SPATS2: variants seen among roughly 807,000 people sequenced by gnomAD.
SPATS2 encodes spermatogenesis associated serine rich 2, also known as spermatogenesis-associated serine-rich protein 2.
A neutral mutation model predicts 63.7 loss-of-function variants in SPATS2; 38 were observed. The observed-to-expected ratio is 0.60, with a 90% confidence interval of 0.46 to 0.78. SPATS2 has a LOEUF of 0.78. SPATS2 is among the 30% of genes least tolerant of loss of function. The probability of loss-of-function intolerance (pLI) is 0.00; values close to 1 mark genes in which losing one functional copy is unlikely to be tolerated. For missense variants in SPATS2, 588 were observed against 666.2 expected (o/e 0.88, Z 1.29); for synonymous variants, 207 against 232.9 (o/e 0.89, Z 1.01).
intron 4 of SPATS2, among the ~76,000 whole-genome samples, chr12:49,487,671 C>T (rs1454997881): frequency 6.6e-6 from 1 of 152,150 alleles, no homozygotes; most frequent in Admixed American, 6.5e-5. Context: ...GATCTCAGCT[C>T]ACTGCAGCCT....
At chr12:49,434,861 C>A (rs559535635) in intron 2 of SPATS2, among the ~76,000 whole-genome samples, 7 of 151,902 alleles carry the variant, frequency 4.6e-5, no homozygotes, top group African/African-American at 1.7e-4. Flanking sequence ...ATATAAAAAC[C>A]CAGATTTAAT....
intron 2 of SPATS2, among the ~76,000 whole-genome samples, chr12:49,416,765 G>A (rs1251784197): frequency 3.9e-5 from 6 of 152,266 alleles, no homozygotes; most frequent in South Asian, 2.1e-4. Flanking sequence ...GATTACAGGC[G>A]TGAGCCACTG....
At chr12:49,433,886 T>C (rs928960332) in intron 2 of SPATS2, among the ~76,000 whole-genome samples, 1 of 152,206 alleles carries the variant, frequency 6.6e-6, no homozygotes. Flanking sequence ...TCCCCTTGTT[T>C]TCTTCTAGGA....
intron 2 of SPATS2, among the ~76,000 whole-genome samples, chr12:49,448,179 C>T (rs2137592180): frequency 6.6e-6 from 1 of 150,448 alleles, no homozygotes; most frequent in East Asian, 2.0e-4. Flanking sequence ...ACTGTTCCAC[C>T]CAGGCTGGAG....
At chr12:49,521,815 C>G (rs1474968004) in intron 11 of SPATS2, among the ~76,000 whole-genome samples, 1 of 152,100 alleles carries the variant, frequency 6.6e-6, no homozygotes, top group Non-Finnish European at 1.5e-5. Context: ...GTGTGCTTTC[C>G]TAAGCCACAA....
intron 3 of SPATS2, among the ~76,000 whole-genome samples, chr12:49,473,011 C>T (rs1946063029): frequency 6.7e-6 from 1 of 149,294 alleles, no homozygotes; most frequent in Non-Finnish European, 1.5e-5. Context: ...GATTATGTCA[C>T]TGCACGCAGC....
At chr12:49,416,467 C>A (rs190383283) in intron 2 of SPATS2, among the ~76,000 whole-genome samples, 94 of 148,902 alleles carry the variant, frequency 6.3e-4, no homozygotes, top group African/African-American at 2.3e-3. Context: ...GAAGTTTTAT[C>A]ACCTTTTTAT....
At chr12:49,488,919 G>A (rs1303991695) in intron 4 of SPATS2, among the ~76,000 whole-genome samples, 1 of 152,120 alleles carries the variant, frequency 6.6e-6, no homozygotes, top group East Asian at 1.9e-4. Context: ...GTTCATGGGG[G>A]CTTCAATTAT....
intron 2 of SPATS2, among the ~76,000 whole-genome samples, chr12:49,460,052 G>T (rs111652567): frequency 0.027 from 4,058 of 151,666 alleles, 204 homozygotes; most frequent in African/African-American, 0.092. Flanking sequence ...AGTTTGCAGT[G>T]AGCTGAGATT....
chr12:49,435,487 G>C (rs1945260390), intron 2 of SPATS2, among the ~76,000 whole-genome samples: 1 of 151,128 alleles, frequency 6.6e-6, no homozygotes, highest in African/African-American at 2.4e-5. Context: ...CAGTGCGCCT[G>C]GCTAATTTTT....
In SPATS2 at chr12:49,411,895, C is replaced by A. The variant is rs148159021; in HGVS notation, c.-244+40605C>A. Among the ~76,000 whole-genome samples the A allele has an allele frequency of 2.6e-3, 403 of 152,266 alleles. 2 individuals carry two copies. Among genetic ancestry groups the A allele is most frequent in the African/African-American group, 9.5e-3 (393 of 41,568 alleles). ...TTTTAGTTTCTCTACAGAAGTTGGG[C>A]TTAACCATGTTTATAATATGTGAAA... is the stretch of plus-strand genomic sequence containing the variant. On this transcript the variant is annotated intron_variant, in intron 2 of 13. Transcript: ENST00000552918.
intron 2 of SPATS2, among the ~76,000 whole-genome samples, chr12:49,446,051 G>A (rs867598602): frequency 2.0e-5 from 3 of 151,870 alleles, no homozygotes; most frequent in Non-Finnish European, 2.9e-5. Context: ...CTACAGGCAC[G>A]CGCCACCACA....
At chr12:49,380,562 C>T (rs928656385) in intron 2 of SPATS2, among the ~76,000 whole-genome samples, 2 of 152,018 alleles carry the variant, frequency 1.3e-5, no homozygotes, top group Admixed American at 6.6e-5. Flanking sequence ...AAAAATTAGC[C>T]AGGTGTGGTG....
chr12:49,455,017 CTT>C (rs986840304), intron 2 of SPATS2, among the ~76,000 whole-genome samples: 2 of 152,134 alleles, frequency 1.3e-5, no homozygotes, highest in African/African-American at 4.8e-5. Flanking sequence ...TGCACACAGC[CTT>C]TACCCTTGCC....
intron 3 of SPATS2, among the ~76,000 whole-genome samples, chr12:49,477,472 A>G (rs1442763973): frequency 1.3e-5 from 2 of 152,186 alleles, no homozygotes; most frequent in Non-Finnish European, 2.9e-5. Flanking sequence ...ATTGAAGCAG[A>G]TTGACTGGTA....
chr12:49,476,128 T>C (rs994235497), intron 3 of SPATS2, among the ~76,000 whole-genome samples: 7 of 152,046 alleles, frequency 4.6e-5, no homozygotes, highest in African/African-American at 9.7e-5. Context: ...ATCCTGTGCC[T>C]ATAAAAACCC....
chr12:49,504,933 T>C (rs1360722624), intron 9 of SPATS2, among the ~76,000 whole-genome samples: 1 of 151,958 alleles, frequency 6.6e-6, no homozygotes, highest in East Asian at 1.9e-4. Flanking sequence ...CCAGCTAATT[T>C]TTCTATCTTT....
intron 8 of SPATS2, among the ~76,000 whole-genome samples, chr12:49,498,558 T>G (rs961443554): frequency 6.6e-6 from 1 of 152,126 alleles, no homozygotes; most frequent in Non-Finnish European, 1.5e-5. Flanking sequence ...TTTTTTAAAG[T>G]CTTTTTTCTC....
At chr12:49,492,572 T>C (rs963627616) in intron 6 of SPATS2, among the ~76,000 whole-genome samples, 1 of 152,136 alleles carries the variant, frequency 6.6e-6, no homozygotes, top group African/African-American at 2.4e-5. Flanking sequence ...ACTAGTGATA[T>C]AAGATGTGCA....
Sources: gnomAD v4.1 joint callset for allele counts (sites outside exome capture counted in the v4.1 genomes callset) on GRCh38, gnomAD v4.1.1 for gene constraint, MANE v1.5 for transcripts, NCBI Gene and HGNC (gene_info 2026-07-23, HGNC 2026-07-21) for gene names.